The following DYSF variants were observed in gnomAD, a reference collection of about 807,000 sequenced individuals.
The protein encoded by DYSF is dysferlin.
In DYSF, 212 loss-of-function variants were observed where a neutral mutation model predicts 274.9. The ratio of observed to expected loss-of-function variants is 0.77; its 90% CI spans 0.69 to 0.86. The LOEUF (loss-of-function observed/expected upper bound fraction) is 0.86. Among genes scored for constraint, DYSF ranks in the 40% least tolerant of loss-of-function variants. DYSF has a pLI of 0.00. For missense variants in DYSF, 2,666 were observed against 2,783.2 expected (o/e 0.96, Z 0.95); for synonymous variants, 1,091 against 1,078.7 (o/e 1.01, Z -0.22).
rs965696078 is a variant in DYSF at position 71,667,401 on chromosome 2, C to T, written c.5343C>T (p.His1781=). 6.2e-7 allele frequency: 1 copy of T among 1,614,024 alleles called. No individual in the cohort carries two copies. Among genetic ancestry groups the T allele is most frequent in the African/African-American group, 1.3e-5 (1 of 74,918 alleles). The stretch of plus-strand genomic sequence containing the variant: ...AGGCTGGCAGGATCCCAAACCCACA[C>T]CTGGGCCCAGTGGAGGAGCGTCTGG... ...EIEAGRIPNP[H]LGPVEERLAL... Residue 1781 remains histidine (H), a synonymous_variant, in exon 48 of 56, where the codon CAC becomes CAT. Transcript: ENST00000410020.
intron 24 of DYSF, 151 bp downstream of exon 24, chr2:71,564,364 C>T (rs1257838829): frequency 8.6e-6 from 10 of 1,164,130 alleles, no homozygotes; most frequent in Non-Finnish European, 1.2e-5. Flanking sequence ...AAAACAATTT[C>T]CCTTTTCCTC....
Position 71,574,310 on chromosome 2 carries a change from G to A in DYSF, c.3341G>A (p.Arg1114His), listed in dbSNP as rs59915619. 1.0e-3 allele frequency: 1,659 copies of A among 1,614,092 alleles called. 23 individuals carry two copies. The African/African-American group carries it at 0.02, about 19-fold the overall frequency. Residue 1114 changes from arginine (R) to histidine (H), a missense_variant, in exon 30 of 56, where the codon CGT (arginine) becomes CAT (histidine). By Grantham distance (29) the Arg-to-His change is conservative. This residue lies in a region of DYSF where 1,460 missense variants were observed against 1,502.1 expected (regional missense o/e 0.97). Coordinates refer to ENST00000410020, the MANE Select transcript of DYSF (RefSeq NM_001130987.2). ...TDAFRRRRWR[R>H]RMEPLEKTGP... Reference sequence around the variant, plus strand: ...GCCTTCCGCCGCCGCCGCTGGCGCCGTCGCATGGAGCCACTGGAGAAGACG... The same window carrying A: ...GCCTTCCGCCGCCGCCGCTGGCGCCATCGCATGGAGCCACTGGAGAAGACG...
At chr2:71,667,243 G>C (rs1035011577) in intron 47 of DYSF, 133 bp from the exon 48 acceptor site, 2 of 1,278,768 alleles carry the variant, frequency 1.6e-6, no homozygotes, top group East Asian at 4.6e-5. Context: ...GTGCATCTGT[G>C]CTGGGGGTGA....
chr2:71,516,968 T>G, intron 9 of DYSF, 21 bp from the exon 10 acceptor site: 1 of 1,613,910 alleles, frequency 6.2e-7, no homozygotes, highest in Non-Finnish European at 8.5e-7. Context: ...GAATGTGAGT[T>G]TCCATGATCT....
Position 71,539,162 on chromosome 2 carries a change from GC to G in DYSF, c.1501del (p.Leu501Ter), listed in dbSNP as rs2089677596. Reference protein sequence around the residue: ...KMRIRIIDWDRLTHNDIVATT... With the variant: ...KMRIRIIDWDXLTHNDIVATT... ...TCTCTGCTCCCTTGCTCTAGGGACC[GC>G]CTGACTCACAATGACATCGTGGCTA... On this transcript the variant is annotated frameshift_variant, in exon 17 of 56. Transcript: ENST00000410020. LOFTEE classifies it high-confidence loss of function. 2.5e-6 allele frequency: 4 copies of G among 1,613,778 alleles called. No individual in the cohort carries two copies. In the South Asian group the frequency reaches 4.4e-5, roughly 18 times the overall value.
In DYSF at chr2:71,571,011, CAG is replaced by C. The variant is rs1339909438; in HGVS notation, c.3228+272_3228+273del. 143 of 524,144 alleles carry C rather than the reference CAG, an allele frequency of 2.7e-4. 2 individuals are homozygous for C. The highest frequency in any genetic ancestry group is 2.5e-3 in the South Asian group (125 of 49,566). The allele number at this position is 524,144 out of a possible 1,614,324, so 32.5% of individuals were successfully genotyped here. On this transcript the variant is annotated intron_variant, in intron 29 of 55. Transcript: ENST00000410020. Reference sequence around the variant, plus strand: ...ACACAGATCACACTGGGAACACCCACAGATCACACTCAGCACACACACAGATT... The same window carrying C: ...ACACAGATCACACTGGGAACACCCACATCACACTCAGCACACACACAGATT...
intron 24 of DYSF, among the ~76,000 whole-genome samples, chr2:71,567,513 A>G (rs1574038707): frequency 6.6e-6 from 1 of 152,362 alleles, no homozygotes; most frequent in East Asian, 1.9e-4. Context: ...CACATTTCAA[A>G]TGCTCGGTAG....
intron 12 of DYSF, 47 bp from the exon 13 acceptor site, chr2:71,526,173 C>T: frequency 1.2e-6 from 2 of 1,614,078 alleles, no homozygotes; most frequent in South Asian, 2.2e-5. Flanking sequence ...AAGTAAAACC[C>T]TGTGCTCAGG....
chr2:71,526,402 TG>T, intron 13 of DYSF, 56 bp downstream of exon 13: 1 of 520,746 alleles, frequency 1.9e-6, no homozygotes, highest in Non-Finnish European at 2.7e-6. Context: ...GGCGCAGGGC[TG>T]GTGGGGGTGG....
At chr2:71,561,553 G>A (rs2091757058) in intron 22 of DYSF, among the ~76,000 whole-genome samples, 199 bp from the exon 23 acceptor site, 1 of 152,342 alleles carries the variant, frequency 6.6e-6, no homozygotes, top group African/African-American at 2.4e-5. Flanking sequence ...GCTGACATGG[G>A]TGAGGAAGGC....
At chr2:71,528,446 C>T (rs1352128859) in intron 14 of DYSF, 45 bp downstream of exon 14, 2 of 1,506,168 alleles carry the variant, frequency 1.3e-6, no homozygotes, top group Admixed American at 1.8e-5. Flanking sequence ...AGGGGACTTT[C>T]TGGTGCCCTG....
At chr2:71,574,125 A>G in intron 29 of DYSF, 73 bp from the exon 30 acceptor site, 1 of 1,572,398 alleles carries the variant, frequency 6.4e-7, no homozygotes, top group Non-Finnish European at 8.7e-7. Flanking sequence ...ACAGGAAGGC[A>G]AAGGTGGAGC....
chr2:71,498,642 C>T (rs1573533448), intron 3 of DYSF, among the ~76,000 whole-genome samples: 1 of 152,352 alleles, frequency 6.6e-6, no homozygotes, highest in East Asian at 1.9e-4. Context: ...TACAAAGTTA[C>T]TCTGGTCTCC....
intron 41 of DYSF, among the ~76,000 whole-genome samples, chr2:71,638,595 T>C (rs1057106560): frequency 5.3e-5 from 8 of 152,234 alleles, no homozygotes; most frequent in African/African-American, 1.7e-4. Flanking sequence ...TGGTCTTTTG[T>C]GATTAAATTC....
exon 1 of DYSF, chr2:71,453,750 C>A: frequency 1.8e-6 from 1 of 568,314 alleles, no homozygotes; most frequent in South Asian, 2.0e-5. Context: ...AGCCCCTGTT[C>A]TCGGAACGCC....
intron 16 of DYSF, among the ~76,000 whole-genome samples, chr2:71,537,179 A>C (rs1247820486): frequency 6.7e-6 from 1 of 149,722 alleles, no homozygotes; most frequent in African/African-American, 2.5e-5. Context: ...GGTGCTGAGA[A>C]TATCACTGTA....
intron 2 of DYSF, 62 bp from the exon 3 acceptor site, chr2:71,481,817 C>T (rs2082934239): frequency 2.1e-6 from 3 of 1,422,388 alleles, no homozygotes; most frequent in Admixed American, 3.5e-5. Flanking sequence ...GAAGGTGAAC[C>T]AGACACAGTC....
At chr2:71,652,368 C>T (rs1442040568) in intron 42 of DYSF, among the ~76,000 whole-genome samples, 1 of 152,166 alleles carries the variant, frequency 6.6e-6, no homozygotes, top group Non-Finnish European at 1.5e-5. Context: ...TTGCTTACCA[C>T]CTGAAGAGAA....
intron 42 of DYSF, 38 bp downstream of exon 42, chr2:71,644,101 T>TGTGC: frequency 6.5e-7 from 1 of 1,541,160 alleles, no homozygotes; most frequent in African/African-American, 1.4e-5. Flanking sequence ...GGTGTGTGTG[T>TGTGC]GCGTACTGGG....
Sources: gnomAD v4.1 joint callset for allele counts (sites outside exome capture counted in the v4.1 genomes callset) on GRCh38, gnomAD v4.1.1 for gene constraint, gnomAD v4.1.1 regional missense constraint, MANE v1.5 for transcripts, NCBI Gene and HGNC (gene_info 2026-07-23, HGNC 2026-07-21) for gene names.